Variants in ALDH1A2 observed in about 807,000 individuals in gnomAD.
ALDH1A2 encodes retinal dehydrogenase 2.
Under a neutral mutation model 60.3 loss-of-function variants are expected in ALDH1A2, and 27 were observed. The observed-to-expected ratio is 0.45, with a 90% CI of 0.33 to 0.62. The LOEUF (loss-of-function observed/expected upper bound fraction) is 0.62. Among genes scored for constraint, ALDH1A2 ranks in the 20% least tolerant of loss-of-function variants. The pLI, the probability that ALDH1A2 is intolerant of heterozygous loss-of-function variation, is 0.02. For synonymous variants in ALDH1A2, 289 were observed against 232.4 expected, an observed-to-expected ratio of 1.24 and a Z score of -2.21; for missense variants, 581 against 643.8, an observed-to-expected ratio of 0.90 and a Z score of 1.06.
intron 1 of ALDH1A2, among the ~76,000 whole-genome samples, chr15:58,060,808 T>A (rs1897015826): frequency 6.6e-6 from 1 of 152,202 alleles, no homozygotes; most frequent in African/African-American, 2.4e-5. Context: ...CCTGATACTG[T>A]CACTAAGATA....
chr15:58,033,778 T>A (rs575696791), intron 1 of ALDH1A2, among the ~76,000 whole-genome samples: 1 of 151,282 alleles, frequency 6.6e-6, no homozygotes, highest in Non-Finnish European at 1.5e-5. Flanking sequence ...TGCTCCTTTA[T>A]CAGGGATCAG....
chr15:57,993,998 G>A (rs561567035), intron 5 of ALDH1A2, among the ~76,000 whole-genome samples: 19 of 152,270 alleles, frequency 1.2e-4, no homozygotes, highest in East Asian at 3.9e-4. Flanking sequence ...GGAGTCCACC[G>A]TAATGTTTTA....
chr15:58,058,452 C>A (rs1225691652), intron 1 of ALDH1A2, among the ~76,000 whole-genome samples: 8 of 119,346 alleles, frequency 6.7e-5, no homozygotes, highest in South Asian at 2.6e-4. Flanking sequence ...TTTAAGGAAT[C>A]ACTAGAAATG....
chr15:58,029,646 A>AT (rs1276385968), intron 1 of ALDH1A2, among the ~76,000 whole-genome samples: 1 of 152,132 alleles, frequency 6.6e-6, no homozygotes, highest in Non-Finnish European at 1.5e-5. Context: ...CAAAACAGAT[A>AT]TACTGCTAGC....
intron 3 of ALDH1A2, among the ~76,000 whole-genome samples, chr15:58,011,529 G>T (rs1895632736): frequency 6.6e-6 from 1 of 152,070 alleles, no homozygotes; most frequent in South Asian, 2.1e-4. Flanking sequence ...AAATATTAAA[G>T]GTGTTACAAG....
chr15:58,030,625 G>C (rs1348398956), intron 1 of ALDH1A2, among the ~76,000 whole-genome samples: 1 of 152,084 alleles, frequency 6.6e-6, no homozygotes, highest in Non-Finnish European at 1.5e-5. Context: ...TGACATGATT[G>C]TATATTTCGA....
chr15:57,980,821 C>G (rs1894474732), intron 7 of ALDH1A2, among the ~76,000 whole-genome samples: 1 of 152,164 alleles, frequency 6.6e-6, no homozygotes, highest in Admixed American at 6.5e-5. Context: ...GGAGGAGTCC[C>G]TCTTTTTCTA....
chr15:58,009,214 C>T (rs1026222580), intron 4 of ALDH1A2, among the ~76,000 whole-genome samples: 1 of 152,058 alleles, frequency 6.6e-6, no homozygotes, highest in Non-Finnish European at 1.5e-5. Flanking sequence ...GGCATCACAA[C>T]AGCCACCTAA....
intron 1 of ALDH1A2, among the ~76,000 whole-genome samples, chr15:58,019,699 C>T (rs1222864529): frequency 2.6e-5 from 4 of 152,086 alleles, no homozygotes; most frequent in Non-Finnish European, 5.9e-5. Context: ...GACTAACTGT[C>T]CACTGACATA....
intron 7 of ALDH1A2, among the ~76,000 whole-genome samples, chr15:57,975,786 C>A (rs1305332575): frequency 6.7e-6 from 1 of 148,638 alleles, no homozygotes; most frequent in Non-Finnish European, 1.5e-5. Flanking sequence ...TGCAGATAAT[C>A]TATAGTGCCA....
intron 1 of ALDH1A2, among the ~76,000 whole-genome samples, chr15:58,055,299 T>G (rs1413274090): frequency 6.6e-6 from 1 of 152,088 alleles, no homozygotes; most frequent in Non-Finnish European, 1.5e-5. Context: ...TGTAATCATA[T>G]GTGAAAAGTA....
At chr15:58,063,279 T>C (rs961729069) in intron 1 of ALDH1A2, among the ~76,000 whole-genome samples, 1 of 152,224 alleles carries the variant, frequency 6.6e-6, no homozygotes. Context: ...GATGCAAATA[T>C]TGTGTTTCTT....
chr15:58,052,490 G>T (rs1202964068), intron 1 of ALDH1A2, among the ~76,000 whole-genome samples: 1 of 151,924 alleles, frequency 6.6e-6, no homozygotes, highest in South Asian at 2.1e-4. Flanking sequence ...TTTTGAGAGG[G>T]AGTCTTGCTC....
intron 1 of ALDH1A2, among the ~76,000 whole-genome samples, chr15:58,032,829 G>A (rs1045265741): frequency 2.0e-5 from 3 of 151,296 alleles, no homozygotes; most frequent in African/African-American, 7.3e-5. Flanking sequence ...CGTACCCAAC[G>A]GAATATTATT....
intron 4 of ALDH1A2, among the ~76,000 whole-genome samples, chr15:58,001,905 GT>G (rs529252119): frequency 6.6e-6 from 1 of 151,906 alleles, no homozygotes; most frequent in Non-Finnish European, 1.5e-5. Flanking sequence ...AGGTCAATAG[GT>G]GAGAACACAA....
chr15:57,994,278 T>TC (rs1894982792), intron 5 of ALDH1A2, among the ~76,000 whole-genome samples: 1 of 152,220 alleles, frequency 6.6e-6, no homozygotes, highest in Non-Finnish European at 1.5e-5. Flanking sequence ...AACCTGGGAT[T>TC]CATCAATTAT....
intron 1 of ALDH1A2, among the ~76,000 whole-genome samples, chr15:58,025,362 T>A (rs1249264122): frequency 2.0e-5 from 3 of 152,102 alleles, no homozygotes; most frequent in African/African-American, 7.2e-5. Flanking sequence ...TTACAATGGA[T>A]ACCACAGTAA....
intron 1 of ALDH1A2, among the ~76,000 whole-genome samples, chr15:58,058,481 A>AC (rs1373625481): frequency 1.3e-5 from 2 of 151,794 alleles, no homozygotes; most frequent in East Asian, 1.9e-4. Flanking sequence ...AAAAAAAAAA[A>AC]AAAAACCTAA....
At position 58,014,295 on chromosome 15, in the gene ALDH1A2, T is replaced by C. The variant is rs756911240; in HGVS notation, c.118-14A>G. The C allele has an allele frequency of 1.9e-6, 3 of 1,601,890 alleles. No homozygotes were observed. Among genetic ancestry groups the C allele is most frequent in the East Asian group, 4.5e-5 (2 of 44,828 alleles). ...GTTTATAAAGATCTAAGGGAGTAGA[T>C]AACAGAATGGGATCTGTGACACAGG... On this transcript the variant is annotated splice_polypyrimidine_tract_variant and intron_variant, in intron 1 of 12. Transcript: ENST00000249750.
Sources: allele counts gnomAD v4.1 joint callset (sites outside exome capture counted in the v4.1 genomes callset), GRCh38; gene constraint gnomAD v4.1.1; transcripts MANE v1.5; gene names NCBI Gene and HGNC (gene_info 2026-07-23, HGNC 2026-07-21).